PITPNC1: variants seen among roughly 807,000 people sequenced by gnomAD.
PITPNC1 encodes cytoplasmic phosphatidylinositol transfer protein 1.
Under a neutral mutation model 44.7 loss-of-function variants are expected in PITPNC1, and 18 were observed. The observed-to-expected ratio is 0.40, with a 90% CI of 0.28 to 0.60. PITPNC1 has a LOEUF of 0.60. Ranked by LOEUF, PITPNC1 falls within the 20% of genes least tolerant of loss-of-function variation. The probability of loss-of-function intolerance (pLI) is 0.39; values close to 1 mark genes in which losing one functional copy is unlikely to be tolerated. For synonymous variants in PITPNC1, 141 were observed against 149.6 expected, an observed-to-expected ratio of 0.94 and a Z score of 0.42; for missense variants, 290 against 418.4, an observed-to-expected ratio of 0.69 and a Z score of 2.68.
At chr17:67,495,812 T>C (rs1199255270) in intron 1 of PITPNC1, among the ~76,000 whole-genome samples, 1 of 152,206 alleles carries the variant, frequency 6.6e-6, no homozygotes, top group East Asian at 1.9e-4. Context: ...CCAATACAGC[T>C]ATGGTCATAA....
chr17:67,682,913 G>A (rs2042737582), intron 8 of PITPNC1, among the ~76,000 whole-genome samples: 1 of 152,140 alleles, frequency 6.6e-6, no homozygotes. Flanking sequence ...TGTAATCCCA[G>A]CACTTTGGGA....
intron 1 of PITPNC1, among the ~76,000 whole-genome samples, chr17:67,433,934 G>C (rs1215263339): frequency 1.3e-5 from 2 of 151,750 alleles, no homozygotes; most frequent in Non-Finnish European, 2.9e-5. Context: ...TAATAATAAA[G>C]AGGAATCTGG....
intron 5 of PITPNC1, among the ~76,000 whole-genome samples, chr17:67,599,026 A>ATTTTTT (rs2041501882): frequency 6.2e-5 from 2 of 32,476 alleles, no homozygotes; most frequent in African/African-American, 2.9e-4. Context: ...ATATATATAT[A>ATTTTTT]TATATATATT....
intron 1 of PITPNC1, among the ~76,000 whole-genome samples, chr17:67,500,661 AT>A (rs11295455): frequency 0.58 from 85,296 of 146,890 alleles, 24,676 homozygotes; most frequent in South Asian, 0.63. Context: ...TTTTTTTAAG[AT>A]TTTTTTTTTT....
chr17:67,385,230 A>G (rs1015740731), intron 1 of PITPNC1, among the ~76,000 whole-genome samples: 1 of 152,174 alleles, frequency 6.6e-6, no homozygotes, highest in Non-Finnish European at 1.5e-5. Flanking sequence ...GCTAATCAGC[A>G]GGCTGCAAAA....
At chr17:67,392,212 G>A (rs556847353) in intron 1 of PITPNC1, among the ~76,000 whole-genome samples, 6 of 152,188 alleles carry the variant, frequency 3.9e-5, no homozygotes, top group East Asian at 3.9e-4. Context: ...AAATTCTTCC[G>A]GTGGAGGTAA....
intron 1 of PITPNC1, among the ~76,000 whole-genome samples, chr17:67,393,524 CAAAG>C (rs1483332642): frequency 6.6e-6 from 1 of 151,998 alleles, no homozygotes; most frequent in African/African-American, 2.4e-5. Flanking sequence ...TGCCCTCTGT[CAAAG>C]GAAGAAAATG....
rs1392772521 is a variant in PITPNC1, at chr17:67,696,870, G to C, written c.*3982G>C. On this transcript the variant is annotated 3_prime_UTR_variant, in exon 9 of 9. Transcript: ENST00000581322. ...ACAAGGACTTTAGGATAAGCCTCTT[G>C]ATGTTTTTTGCTTTAAATTGAAAGC... The C allele has an allele frequency of 4.9e-5, 2 of 41,200 alleles. No homozygotes were observed. 2.6% of individuals were successfully genotyped at this position (41,200 alleles called of 1,614,324 possible).
rs1219332786 is a variant in PITPNC1 at position 67,695,538 on chromosome 17, T to G, written c.*2650T>G. The G allele has an allele frequency of 1.3e-5, 2 of 151,008 alleles. No individual in the cohort carries two copies. The highest frequency in any genetic ancestry group is 3.0e-5 in the Non-Finnish European group (2 of 67,792). 9.4% of individuals were successfully genotyped at this position (151,008 alleles called of 1,614,324 possible). On this transcript the variant is annotated 3_prime_UTR_variant, in exon 9 of 9. Coordinates refer to ENST00000581322, the MANE Select transcript of PITPNC1 (RefSeq NM_012417.4). ...CATGTTTGGGGGGAAATAGAATCCTTAACTCAGTGCCTCTGTCTGCGATAT... is the reference window on the plus strand; with the variant it reads ...CATGTTTGGGGGGAAATAGAATCCTGAACTCAGTGCCTCTGTCTGCGATAT...
At chr17:67,389,259 G>T (rs931400750) in intron 1 of PITPNC1, among the ~76,000 whole-genome samples, 1 of 152,248 alleles carries the variant, frequency 6.6e-6, no homozygotes, top group African/African-American at 2.4e-5. Flanking sequence ...TGCAACTTCA[G>T]ATCTCTCCGA....
At chr17:67,410,968 A>G (rs1387864238) in intron 1 of PITPNC1, among the ~76,000 whole-genome samples, 1 of 151,718 alleles carries the variant, frequency 6.6e-6, no homozygotes, top group Non-Finnish European at 1.5e-5. Context: ...CTGTAATCCC[A>G]GCTACTCGGG....
In PITPNC1 at chr17:67,381,712, C is replaced by T. The variant is rs113845262; in HGVS notation, c.48+3510C>T. ...CAATCTCCTGACCTCGCGATCCGCC[C>T]GCCTTGGCCTCCCAAAGGCGTGAGC... is the stretch of plus-strand genomic sequence containing the variant. On this transcript the variant is annotated intron_variant, in intron 1 of 8. Transcript: ENST00000581322. Among the ~76,000 whole-genome samples, 388 of 146,546 alleles carry T rather than the reference C, an allele frequency of 2.6e-3. 4 individuals are homozygous for T. Among genetic ancestry groups the T allele is most frequent in the African/African-American group, 7.7e-3 (307 of 39,648 alleles).
chr17:67,412,129 A>G (rs2038508406), intron 1 of PITPNC1, among the ~76,000 whole-genome samples: 1 of 152,230 alleles, frequency 6.6e-6, no homozygotes, highest in South Asian at 2.1e-4. Context: ...CATGAGATTC[A>G]GATCACACAT....
At chr17:67,626,725 A>G (rs750795447) in intron 5 of PITPNC1, among the ~76,000 whole-genome samples, 2 of 151,870 alleles carry the variant, frequency 1.3e-5, no homozygotes, top group Non-Finnish European at 2.9e-5. Flanking sequence ...CCATCAGCCC[A>G]TAGTAGGAGG....
At chr17:67,398,017 C>T (rs1457492224) in intron 1 of PITPNC1, among the ~76,000 whole-genome samples, 1 of 150,558 alleles carries the variant, frequency 6.6e-6, no homozygotes, top group African/African-American at 2.4e-5. Flanking sequence ...GGTGTGAACC[C>T]GGGAGGCGGA....
At chr17:67,606,167 T>C (rs2041605501) in intron 5 of PITPNC1, among the ~76,000 whole-genome samples, 1 of 152,230 alleles carries the variant, frequency 6.6e-6, no homozygotes, top group Non-Finnish European at 1.5e-5. Context: ...GAGGGAATTA[T>C]TTCGTAGTTT....
intron 1 of PITPNC1, among the ~76,000 whole-genome samples, chr17:67,423,493 A>T (rs1195611143): frequency 1.3e-5 from 2 of 152,156 alleles, no homozygotes; most frequent in African/African-American, 4.8e-5. Flanking sequence ...AGTATTTTCA[A>T]ATCTGATTAC....
At chr17:67,673,890 ACAGTGAGCCGAGATCG>A (rs1205270123) in intron 7 of PITPNC1, among the ~76,000 whole-genome samples, 7 of 142,506 alleles carry the variant, frequency 4.9e-5, no homozygotes, top group African/African-American at 7.8e-5. Flanking sequence ...AGCGGAGGTT[ACAGTGAGCCGAGATCG>A]CAGTGAGCCG....
rs1267279340 is a variant in PITPNC1, at chr17:67,532,817, C to T, written c.64C>T (p.Leu22=). 1 of 1,568,328 alleles carries T rather than the reference C, an allele frequency of 6.4e-7. No individual in the cohort carries two copies. The highest frequency in any genetic ancestry group is 1.4e-5 in the African/African-American group (1 of 73,760). ...TGTTTTGTAGTACAAAATTGGACAG[C>T]TGTACATGATCAGCAAACACAGCCA... ...LTVDEYKIGQ[L]YMISKHSHEQ... is the part of the protein sequence containing the mutation. Residue 22 remains leucine, a synonymous_variant, in exon 2 of 9, where the codon CTG becomes TTG. Coordinates refer to ENST00000581322, the MANE Select transcript of PITPNC1 (RefSeq NM_012417.4).
Sources: allele counts gnomAD v4.1 joint callset (sites outside exome capture counted in the v4.1 genomes callset), GRCh38; gene constraint gnomAD v4.1.1; transcripts MANE v1.5; gene names NCBI Gene and HGNC (gene_info 2026-07-23, HGNC 2026-07-21).